GRIA4: variants seen among roughly 807,000 people sequenced by gnomAD.
GRIA4 encodes the protein glutamate receptor 4.
In GRIA4, 34 loss-of-function variants were observed where a neutral mutation model predicts 104.0. That is an observed-to-expected ratio of 0.33 (90% CI 0.25 to 0.44). GRIA4 has a LOEUF of 0.44. Among genes scored for constraint, GRIA4 ranks in the 20% least tolerant of loss-of-function variants. GRIA4 has a pLI of 1.00. For synonymous variants in GRIA4, 386 were observed against 381.9 expected (o/e 1.01, Z -0.13); for missense variants, 750 against 1,096.5 (o/e 0.68, Z 4.46).
At chr11:105,666,299 T>C (rs761973832) in intron 3 of GRIA4, among the ~76,000 whole-genome samples, 3 of 152,044 alleles carry the variant, frequency 2.0e-5, no homozygotes, top group Non-Finnish European at 4.4e-5. Flanking sequence ...TACTATTATA[T>C]AACAGGTACT....
At chr11:105,622,621 C>T (rs899451150) in intron 3 of GRIA4, among the ~76,000 whole-genome samples, 9 of 151,764 alleles carry the variant, frequency 5.9e-5, no homozygotes, top group Admixed American at 3.3e-4. Flanking sequence ...CTCCAAAGTA[C>T]ATCACATTTT....
chr11:105,648,957 G>A (rs1038818569), intron 3 of GRIA4, among the ~76,000 whole-genome samples: 1 of 152,152 alleles, frequency 6.6e-6, no homozygotes, highest in African/African-American at 2.4e-5. Flanking sequence ...TGAGAAGTAG[G>A]ACGGAGGTTC....
intron 4 of GRIA4, among the ~76,000 whole-genome samples, chr11:105,794,028 T>C (rs1942341046): frequency 6.6e-6 from 1 of 151,986 alleles, no homozygotes; most frequent in African/African-American, 2.4e-5. Context: ...GAAGGAAGAA[T>C]TGCATGAGCA....
intron 6 of GRIA4, among the ~76,000 whole-genome samples, chr11:105,893,630 C>G (rs1431237605): frequency 6.6e-6 from 1 of 152,138 alleles, no homozygotes; most frequent in Non-Finnish European, 1.5e-5. Context: ...ATCAGCTAGA[C>G]TTTACATCAG....
At chr11:105,876,656 T>C (rs1456721910) in intron 5 of GRIA4, among the ~76,000 whole-genome samples, 5 of 152,210 alleles carry the variant, frequency 3.3e-5, no homozygotes, top group Admixed American at 2.0e-4. Context: ...TTGATCCCTT[T>C]ACCATTATGT....
chr11:105,641,821 G>A (rs1951369583), intron 3 of GRIA4, among the ~76,000 whole-genome samples: 1 of 152,144 alleles, frequency 6.6e-6, no homozygotes, highest in South Asian at 2.1e-4. Flanking sequence ...GTTTGCCAGG[G>A]CTGTCATAAC....
At chr11:105,924,331 C>A in intron 11 of GRIA4, 68 bp from the exon 12 acceptor site, 1 of 1,180,948 alleles carries the variant, frequency 8.5e-7, no homozygotes, top group Admixed American at 2.3e-5. Context: ...TTAAATGGAT[C>A]ATTCCAGTGC....
At chr11:105,958,542 G>T (rs1377361079) in intron 14 of GRIA4, among the ~76,000 whole-genome samples, 1 of 152,100 alleles carries the variant, frequency 6.6e-6, no homozygotes, top group East Asian at 1.9e-4. Flanking sequence ...TTTTTGCATT[G>T]ATGTTCATCA....
chr11:105,826,343 C>T (rs1252070791), intron 4 of GRIA4, among the ~76,000 whole-genome samples: 1 of 152,046 alleles, frequency 6.6e-6, no homozygotes, highest in Non-Finnish European at 1.5e-5. Context: ...ACACCTGCAT[C>T]TGATTACAAG....
In GRIA4 at chr11:105,680,393, C is replaced by T. The variant is rs1018917688; in HGVS notation, c.247+67959C>T. Among the ~76,000 whole-genome samples, 6 of 152,034 alleles carry T rather than the reference C, an allele frequency of 3.9e-5. No homozygotes were observed. In the East Asian group the frequency reaches 5.8e-4, roughly 15 times the overall value. On this transcript the variant is annotated intron_variant, in intron 3 of 16. Coordinates refer to ENST00000282499, the MANE Select transcript of GRIA4 (RefSeq NM_000829.4). Reference sequence around the variant, plus strand: ...CAGCCTCTTGAAGAACCTTGCCCAGCGCCCCAGACCTGCAAGGTTAATGCC... The same window carrying T: ...CAGCCTCTTGAAGAACCTTGCCCAGTGCCCCAGACCTGCAAGGTTAATGCC...
chr11:105,746,153 A>G (rs957090576), intron 3 of GRIA4, among the ~76,000 whole-genome samples: 1 of 151,976 alleles, frequency 6.6e-6, no homozygotes, highest in African/African-American at 2.4e-5. Context: ...GTAGGTAGGA[A>G]AAAAGACAAG....
intron 3 of GRIA4, among the ~76,000 whole-genome samples, chr11:105,666,603 ATAAT>A (rs1330341329): frequency 2.0e-5 from 3 of 152,016 alleles, no homozygotes; most frequent in African/African-American, 7.2e-5. Flanking sequence ...ATATAATTGA[ATAAT>A]TAAATTACTA....
At chr11:105,727,538 A>G (rs1221477567) in intron 3 of GRIA4, among the ~76,000 whole-genome samples, 1 of 152,130 alleles carries the variant, frequency 6.6e-6, no homozygotes, top group East Asian at 1.9e-4. Context: ...CACCACAAAG[A>G]TACTCCTTGA....
intron 3 of GRIA4, among the ~76,000 whole-genome samples, chr11:105,738,029 T>A (rs57867779): frequency 0.014 from 2,026 of 144,400 alleles, 48 homozygotes; most frequent in African/African-American, 0.049. Flanking sequence ...CCCTGCCCTG[T>A]TCGCTTTCCC....
At chr11:105,807,253 T>C (rs1201023308) in intron 4 of GRIA4, among the ~76,000 whole-genome samples, 1 of 151,930 alleles carries the variant, frequency 6.6e-6, no homozygotes, top group Non-Finnish European at 1.5e-5. Flanking sequence ...ATTGTGTATT[T>C]AACTATCTCA....
At chr11:105,705,571 T>C (rs972112291) in intron 3 of GRIA4, among the ~76,000 whole-genome samples, 17 of 151,922 alleles carry the variant, frequency 1.1e-4, no homozygotes, top group South Asian at 8.3e-4. Context: ...AAAGGATCAA[T>C]ACCCCAATGG....
Position 105,634,175 on chromosome 11 carries a change from C to T in GRIA4, c.247+21741C>T, listed in dbSNP as rs142942928. On this transcript the variant is annotated intron_variant, in intron 3 of 16. Transcript: ENST00000282499. ...AAGCCTGGGCAACATGGTGAAACCCCGACTCTACTAAAAATACAAAAATTA... is the reference window on the plus strand; with the variant it reads ...AAGCCTGGGCAACATGGTGAAACCCTGACTCTACTAAAAATACAAAAATTA... Among the ~76,000 whole-genome samples, 1,303 of 151,706 alleles carry T rather than the reference C, an allele frequency of 8.6e-3. 20 individuals are homozygous for T. The highest frequency in any genetic ancestry group is 0.03 in the African/African-American group (1,242 of 41,380).
rs2277279 is a variant in GRIA4 at position 105,862,005 on chromosome 11, C to T, written c.488-19C>T. 0.089 allele frequency: 136,306 copies of T among 1,531,450 alleles called. 6,889 individuals carry two copies. The highest frequency in any genetic ancestry group is 0.23 in the Admixed American group (12,745 of 56,564). The allele number at this position is 1,531,450 out of a possible 1,614,324, so 94.9% of individuals were successfully genotyped here. A position where few individuals can be genotyped will look rare whatever the true frequency, so the allele number is the denominator to read the frequency against. On this transcript the variant is annotated intron_variant, in intron 4 of 16. Coordinates refer to ENST00000282499, the MANE Select transcript of GRIA4 (RefSeq NM_000829.4). The stretch of plus-strand genomic sequence containing the variant: ...GGGAGTAAAAGCATGTTTTTAGTAA[C>T]TTTTTTTTTCCCCAATAGGATACTC...
intron 3 of GRIA4, among the ~76,000 whole-genome samples, chr11:105,647,327 C>T (rs191811227): frequency 1.8e-4 from 27 of 152,134 alleles, no homozygotes; most frequent in African/African-American, 3.4e-4. Context: ...AAACGGAACA[C>T]GTATACATTG....
Sources: gnomAD v4.1 joint callset for allele counts (sites outside exome capture counted in the v4.1 genomes callset) on GRCh38, gnomAD v4.1.1 for gene constraint, MANE v1.5 for transcripts, NCBI Gene and HGNC (gene_info 2026-07-23, HGNC 2026-07-21) for gene names.